MRTFB: variants seen among roughly 807,000 people sequenced by gnomAD.
MRTFB encodes myocardin-related transcription factor B.
Under a neutral mutation model 104.2 loss-of-function variants are expected in MRTFB, and 29 were observed. That is an observed-to-expected ratio of 0.28 (90% CI 0.21 to 0.38). The LOEUF (loss-of-function observed/expected upper bound fraction) is 0.38. MRTFB is among the 10% of genes least tolerant of loss of function. The pLI is 1.00. For synonymous variants in MRTFB, 535 were observed against 519.5 expected, an observed-to-expected ratio of 1.03 and a Z score of -0.41; for missense variants, 1,270 against 1,341.6, an observed-to-expected ratio of 0.95 and a Z score of 0.83.
At chr16:14,061,566 CTTTT>C in the MRTFB span, among the ~76,000 whole-genome samples, 1 of 102,628 alleles carries the variant, frequency 9.7e-6, no homozygotes, top group Non-Finnish European at 2.0e-5. Flanking sequence ...TCAAGGTCAT[CTTTT>C]TTTTTTTTTT....
In MRTFB at chr16:14,230,233, A is replaced by G. The variant is rs374550589; in HGVS notation, c.694-3913A>G. ...GAACATAGGCATGGGCGAGGACTTC[A>G]TGTCTAAAACACCAAAAGCAATGGC... On this transcript the variant is annotated intron_variant, in intron 8 of 16. Transcript: ENST00000571589. Among the ~76,000 whole-genome samples the G allele has an allele frequency of 3.3e-5, 5 of 152,352 alleles. No individual in the cohort carries two copies. In the East Asian group the frequency reaches 9.6e-4, roughly 29 times the overall value.
chr16:14,259,129 G>A (rs1298734934), intron 16 of MRTFB, among the ~76,000 whole-genome samples: 2 of 152,122 alleles, frequency 1.3e-5, no homozygotes, highest in East Asian at 3.9e-4. Flanking sequence ...GAATTATATT[G>A]GCCTTACAAA....
At chr16:14,210,195 T>C in intron 3 of MRTFB, 48 bp from the exon 4 acceptor site, 2 of 1,448,626 alleles carry the variant, frequency 1.4e-6, no homozygotes, top group Non-Finnish European at 1.9e-6. Flanking sequence ...ATAAATCGGA[T>C]CCCACAGTTG....
At chr16:14,193,208 C>A (rs2151068775) in intron 3 of MRTFB, among the ~76,000 whole-genome samples, 2 of 59,912 alleles carry the variant, frequency 3.3e-5, no homozygotes, top group Non-Finnish European at 5.7e-5. Context: ...GAGACCCTGT[C>A]TCAAAAAAAA....
intron 3 of MRTFB, among the ~76,000 whole-genome samples, chr16:14,146,038 T>C (rs2038294511): frequency 6.6e-6 from 1 of 152,222 alleles, no homozygotes; most frequent in Non-Finnish European, 1.5e-5. Context: ...GGCTGGTGAA[T>C]TTAAGGTTTT....
chr16:14,051,898 ACT>A, the MRTFB span, among the ~76,000 whole-genome samples: 8 of 151,410 alleles, frequency 5.3e-5, no homozygotes, highest in Non-Finnish European at 1.0e-4. Context: ...TTTCTTTTCA[ACT>A]CTCTGATTTT....
chr16:14,080,003 C>T (rs569650432), intron 2 of MRTFB, among the ~76,000 whole-genome samples: 8 of 152,246 alleles, frequency 5.3e-5, no homozygotes, highest in South Asian at 2.1e-4. Flanking sequence ...TGGAAAGATA[C>T]GCGTAATCCT....
chr16:14,069,307 G>T (rs1286281780), upstream of MRTFB, among the ~76,000 whole-genome samples: 2 of 149,470 alleles, frequency 1.3e-5, no homozygotes, highest in African/African-American at 2.5e-5. Context: ...ACTCGCTCCA[G>T]TGGCTCCCAA....
At chr16:13,995,662 G>A in the MRTFB span, among the ~76,000 whole-genome samples, 1 of 152,180 alleles carries the variant, frequency 6.6e-6, no homozygotes, top group African/African-American at 2.4e-5. Context: ...TGTGCATGAA[G>A]CATGGCTGGG....
At chr16:14,181,695 G>T (rs1185136994) in intron 3 of MRTFB, among the ~76,000 whole-genome samples, 1 of 152,024 alleles carries the variant, frequency 6.6e-6, no homozygotes, top group Non-Finnish European at 1.5e-5. Flanking sequence ...ATATTACGAG[G>T]TTTTTTTCAT....
intron 2 of MRTFB, among the ~76,000 whole-genome samples, chr16:14,107,095 G>T (rs1251182519): frequency 2.0e-5 from 3 of 152,152 alleles, no homozygotes; most frequent in Non-Finnish European, 4.4e-5. Context: ...GCTTAGCTGG[G>T]TATGGTGGCA....
the MRTFB span, among the ~76,000 whole-genome samples, chr16:14,029,405 T>TAAAAA: frequency 1.4e-3 from 118 of 87,096 alleles, no homozygotes; most frequent in Admixed American, 5.8e-3. Flanking sequence ...GACTCTGTCT[T>TAAAAA]AAAAAAAAAA....
the MRTFB span, among the ~76,000 whole-genome samples, chr16:14,023,671 G>A: frequency 3.5e-4 from 50 of 144,348 alleles, no homozygotes; most frequent in African/African-American, 1.4e-3. Flanking sequence ...GTGTGTGTGT[G>A]TGTGTCTATA....
At chr16:14,033,489 C>T in the MRTFB span, among the ~76,000 whole-genome samples, 1 of 151,760 alleles carries the variant, frequency 6.6e-6, no homozygotes, top group African/African-American at 2.4e-5. Flanking sequence ...TGCAGTGAGC[C>T]GTGTTCGTGC....
At chr16:14,172,018 A>G (rs1224390766) in intron 3 of MRTFB, among the ~76,000 whole-genome samples, 2 of 152,174 alleles carry the variant, frequency 1.3e-5, no homozygotes, top group Non-Finnish European at 2.9e-5. Context: ...GTTGTCTTCT[A>G]TCCTAGCTAA....
At chr16:14,152,027 A>G (rs2038637927) in intron 3 of MRTFB, 1 of 151,576 alleles carries the variant, frequency 6.6e-6, no homozygotes, top group South Asian at 2.1e-4. Flanking sequence ...TTAAGATAGT[A>G]GATATGGTTG....
Position 14,261,331 on chromosome 16 carries a change from G to C in MRTFB, c.3187G>C (p.Asp1063His). 1 of 1,614,064 alleles carries C rather than the reference G, an allele frequency of 6.2e-7. No individual in the cohort carries two copies. Among genetic ancestry groups the C allele is most frequent in the African/African-American group, 1.3e-5 (1 of 74,996 alleles). Residue 1063 changes from aspartate (D) to histidine (H), a missense_variant, in exon 17 of 17, where the codon GAC becomes CAC. By Grantham distance (81) the Asp-to-His change is moderately conservative. This residue lies in a region of MRTFB where 1,144 missense variants were observed against 1,131.5 expected (regional missense o/e 1.01). Coordinates refer to ENST00000571589, the MANE Select transcript of MRTFB (RefSeq NM_001308142.2). ...DSNLDNMEWL[D>H]ITMPNSSSGL... ...AAACTTGGACAACATGGAGTGGTTG[G>C]ACATTACCATGCCCAACTCCTCTTC...
At chr16:14,029,405 T>TAAA in the MRTFB span, among the ~76,000 whole-genome samples, 1,233 of 86,896 alleles carry the variant, frequency 0.014, 25 homozygotes, top group African/African-American at 0.047. Context: ...GACTCTGTCT[T>TAAA]AAAAAAAAAA....
chr16:14,226,281 A>G (rs899849132), intron 8 of MRTFB, among the ~76,000 whole-genome samples: 5 of 152,226 alleles, frequency 3.3e-5, no homozygotes, highest in African/African-American at 1.2e-4. Flanking sequence ...TAGAGGTCTC[A>G]TGCTTCCTAA....
Sources: gnomAD v4.1 joint callset for allele counts (sites outside exome capture counted in the v4.1 genomes callset) on GRCh38, gnomAD v4.1.1 for gene constraint, gnomAD v4.1.1 regional missense constraint, MANE v1.5 for transcripts, NCBI Gene and HGNC (gene_info 2026-07-23, HGNC 2026-07-21) for gene names.